RTN4RL1: variants seen among roughly 807,000 people sequenced by gnomAD.
RTN4RL1 encodes reticulon 4 receptor like 1, also known as reticulon-4 receptor-like 1.
RTN4RL1 carries 7 observed loss-of-function variants against 25.6 expected under a neutral mutation model. The observed-to-expected ratio is 0.27, with a 90% CI of 0.16 to 0.51. RTN4RL1 has a LOEUF of 0.51. Among genes scored for constraint, RTN4RL1 ranks in the 20% least tolerant of loss-of-function variants. The pLI, the probability that RTN4RL1 is intolerant of heterozygous loss-of-function variation, is 0.97. For synonymous variants in RTN4RL1, 297 were observed against 288.2 expected, an observed-to-expected ratio of 1.03 and a Z score of -0.31; for missense variants, 500 against 615.6, an observed-to-expected ratio of 0.81 and a Z score of 1.99.
At chr17:2,023,419 A>C (rs930715763) in intron 1 of RTN4RL1, among the ~76,000 whole-genome samples, 2 of 152,184 alleles carry the variant, frequency 1.3e-5, no homozygotes, top group Admixed American at 6.5e-5. Flanking sequence ...CAGCGAAGGC[A>C]GCCGGCGTTT....
chr17:1,980,926 C>CA (rs71723916), intron 1 of RTN4RL1, among the ~76,000 whole-genome samples: 9,996 of 87,096 alleles, frequency 0.11, 875 homozygotes, highest in African/African-American at 0.18. Flanking sequence ...GATTCTATCT[C>CA]AAAAAAAAAA....
intron 1 of RTN4RL1, among the ~76,000 whole-genome samples, chr17:1,999,928 G>A (rs1008473844): frequency 5.9e-5 from 9 of 152,246 alleles, no homozygotes; most frequent in African/African-American, 2.2e-4. Context: ...TGTCCCCAGG[G>A]GGGCAGGCAG....
At chr17:1,988,887 G>A (rs535390230) in intron 1 of RTN4RL1, among the ~76,000 whole-genome samples, 3 of 152,272 alleles carry the variant, frequency 2.0e-5, no homozygotes, top group East Asian at 1.9e-4. Context: ...CAGCATGAGC[G>A]GACACTGGTG....
intron 1 of RTN4RL1, among the ~76,000 whole-genome samples, chr17:1,999,501 C>A (rs568578231): frequency 1.8e-4 from 27 of 152,148 alleles, no homozygotes; most frequent in Non-Finnish European, 2.9e-4. Context: ...TCCCTATCCA[C>A]GTATGTGCAC....
At chr17:1,957,073 CTATT>C (rs1478944104) in intron 1 of RTN4RL1, among the ~76,000 whole-genome samples, 9 of 152,202 alleles carry the variant, frequency 5.9e-5, no homozygotes, top group Admixed American at 5.9e-4. Context: ...ATGACTGTAT[CTATT>C]GATTCTTTTC....
At chr17:2,021,680 A>G (rs867689147) in intron 1 of RTN4RL1, among the ~76,000 whole-genome samples, 5 of 147,346 alleles carry the variant, frequency 3.4e-5, no homozygotes, top group East Asian at 2.1e-4. Context: ...TCAACTTCCC[A>G]AGGAGCTGGG....
In RTN4RL1 at chr17:1,984,783, A is replaced by G. The variant is rs370523692; in HGVS notation, c.13+40070T>C. Among the ~76,000 whole-genome samples, 19 of 152,270 alleles carry G rather than the reference A, an allele frequency of 1.2e-4. No individual in the cohort carries two copies. The South Asian group carries it at 3.7e-3, about 30-fold the overall frequency. On this transcript the variant is annotated intron_variant, in intron 1 of 1. Transcript: ENST00000331238. ...GGAGCTCGAAGCCAGCCTGGCCAACATGGTGAAACCCCGTCTCTACTAAAA... is the reference window on the plus strand; with the variant it reads ...GGAGCTCGAAGCCAGCCTGGCCAACGTGGTGAAACCCCGTCTCTACTAAAA...
At chr17:1,950,142 C>T (rs977890905) in intron 1 of RTN4RL1, among the ~76,000 whole-genome samples, 5 of 151,904 alleles carry the variant, frequency 3.3e-5, no homozygotes, top group Admixed American at 1.3e-4. Context: ...TGGGAGGTTG[C>T]ATTTGGAGGG....
intron 1 of RTN4RL1, among the ~76,000 whole-genome samples, chr17:1,942,516 C>A (rs1915460366): frequency 6.6e-6 from 1 of 152,094 alleles, no homozygotes; most frequent in Admixed American, 6.5e-5. Context: ...TCAGGAAAGA[C>A]CCCTGCCATC....
Position 1,975,576 on chromosome 17 carries a change from G to A in RTN4RL1, c.14-37768C>T, listed in dbSNP as rs1002966057. On this transcript the variant is annotated intron_variant, in intron 1 of 1. Transcript: ENST00000331238. ...TGAGGCAGGAGAATCGCTTGAACCCGGGAGGTGGAGGTTGCAGTGAGCTGA... is the reference window on the plus strand; with the variant it reads ...TGAGGCAGGAGAATCGCTTGAACCCAGGAGGTGGAGGTTGCAGTGAGCTGA... Among the ~76,000 whole-genome samples, 6 of 152,140 alleles carry A rather than the reference G, an allele frequency of 3.9e-5. No individual in the cohort carries two copies. The South Asian group carries it at 1.0e-3, about 26-fold the overall frequency.
At chr17:2,011,144 G>A (rs1001454790) in intron 1 of RTN4RL1, among the ~76,000 whole-genome samples, 1 of 152,204 alleles carries the variant, frequency 6.6e-6, no homozygotes, top group African/African-American at 2.4e-5. Context: ...CCAGCTACTC[G>A]GGAGGCTGAG....
At chr17:1,972,932 C>G (rs557508912) in intron 1 of RTN4RL1, among the ~76,000 whole-genome samples, 1 of 152,136 alleles carries the variant, frequency 6.6e-6, no homozygotes, top group Non-Finnish European at 1.5e-5. Flanking sequence ...AAGCAGCGGC[C>G]GAAATGAAAT....
intron 1 of RTN4RL1, 103 bp downstream of exon 1, chr17:2,024,750 G>A (rs2067250976): frequency 1.1e-5 from 13 of 1,192,448 alleles, no homozygotes; most frequent in South Asian, 1.4e-5. Context: ...GCCCGCCGGG[G>A]GCTACTTCCC....
In RTN4RL1 at chr17:1,994,452, TC is replaced by T. The variant is rs1377034266; in HGVS notation, c.13+30400del. Among the ~76,000 whole-genome samples, 1 of 152,158 alleles carries T rather than the reference TC, an allele frequency of 6.6e-6. No homozygotes were observed. The highest frequency in any genetic ancestry group is 1.5e-5 in the Non-Finnish European group (1 of 68,024). ...GCGAGTACTGCCCAAGTCCTGAATATCCTCGGCCTCATCCCCTGATATTCTC... is the reference window on the plus strand; with the variant it reads ...GCGAGTACTGCCCAAGTCCTGAATATCTCGGCCTCATCCCCTGATATTCTC... On this transcript the variant is annotated intron_variant, in intron 1 of 1. Coordinates refer to ENST00000331238, the MANE Select transcript of RTN4RL1 (RefSeq NM_178568.4). This position sits in a 1 kb window ranked among gnomAD's most constrained non-coding sequence, Gnocchi z 4.3.
chr17:1,938,588 G>A (rs1292811409), intron 1 of RTN4RL1, among the ~76,000 whole-genome samples: 2 of 151,470 alleles, frequency 1.3e-5, no homozygotes, highest in East Asian at 2.0e-4. Context: ...GTGAGCCACC[G>A]CGCCCGGCCA....
At chr17:2,001,054 C>CTTTT (rs541156399) in intron 1 of RTN4RL1, among the ~76,000 whole-genome samples, 1 of 144,346 alleles carries the variant, frequency 6.9e-6, no homozygotes, top group African/African-American at 2.6e-5. Flanking sequence ...TTTTCATTTA[C>CTTTT]TTTTTTTTTT....
intron 1 of RTN4RL1, among the ~76,000 whole-genome samples, chr17:2,016,289 G>A (rs1206677717): frequency 1.3e-5 from 2 of 152,240 alleles, no homozygotes; most frequent in South Asian, 2.1e-4. Context: ...GCTGAGGCAG[G>A]AGAATCACTT....
At chr17:2,014,546 T>C (rs1384504868) in intron 1 of RTN4RL1, among the ~76,000 whole-genome samples, 2 of 152,132 alleles carry the variant, frequency 1.3e-5, no homozygotes, top group East Asian at 1.9e-4. Flanking sequence ...AAGAACATGA[T>C]TCAGGCTGGG....
intron 1 of RTN4RL1, among the ~76,000 whole-genome samples, chr17:1,964,011 C>A (rs34082115): frequency 0.21 from 31,501 of 152,106 alleles, 3,740 homozygotes; most frequent in Middle Eastern, 0.29. Context: ...CAGGCGTGAG[C>A]CACCGCGCCG....
Sources: gnomAD v4.1 joint callset for allele counts (sites outside exome capture counted in the v4.1 genomes callset) on GRCh38, gnomAD v4.1.1 for gene constraint, Gnocchi (gnomAD v3.1) non-coding constraint, MANE v1.5 for transcripts, NCBI Gene and HGNC (gene_info 2026-07-23, HGNC 2026-07-21) for gene names.